RORA: variants seen among roughly 807,000 people sequenced by gnomAD.
RORA encodes RAR related orphan receptor A.
Under a neutral mutation model 69.5 loss-of-function variants are expected in RORA, and 7 were observed. The observed-to-expected ratio is 0.10, with a 90% CI of 0.06 to 0.19. RORA has a LOEUF of 0.19. RORA is among the 10% of genes least tolerant of loss of function. RORA has a pLI of 1.00. For missense variants in RORA, 457 were observed against 663.0 expected (o/e 0.69, Z 3.41); for synonymous variants, 261 against 240.8 (o/e 1.08, Z -0.78).
At chr15:60,699,556 C>T (rs2070953013) in intron 1 of RORA, among the ~76,000 whole-genome samples, 1 of 152,212 alleles carries the variant, frequency 6.6e-6, no homozygotes, top group Non-Finnish European at 1.5e-5. Context: ...AGTTAGCTCA[C>T]CTCTTCTTTA....
intron 1 of RORA, among the ~76,000 whole-genome samples, chr15:61,062,014 G>T (rs960489218): frequency 4.6e-5 from 7 of 152,158 alleles, no homozygotes; most frequent in African/African-American, 1.7e-4. Context: ...AGTGAGCTGG[G>T]ATTGTGCCAC....
At chr15:61,079,729 GC>G (rs2078510163) in intron 1 of RORA, among the ~76,000 whole-genome samples, 1 of 152,214 alleles carries the variant, frequency 6.6e-6, no homozygotes, top group Non-Finnish European at 1.5e-5. Flanking sequence ...TGGATACCCA[GC>G]AGAATAACCC....
At chr15:60,876,326 G>C (rs2073615529) in intron 1 of RORA, among the ~76,000 whole-genome samples, 1 of 120,648 alleles carries the variant, frequency 8.3e-6, no homozygotes, top group Admixed American at 9.1e-5. Context: ...GGGGGGGGGG[G>C]CGGCTAGGAG....
intron 1 of RORA, among the ~76,000 whole-genome samples, chr15:61,034,553 C>A (rs1896353941): frequency 6.6e-6 from 1 of 152,004 alleles, no homozygotes; most frequent in African/African-American, 2.4e-5. Flanking sequence ...TATTTATAGT[C>A]TGTGAAGAAA....
chr15:60,598,589 A>C (rs189614547), intron 2 of RORA: 11 of 152,344 alleles, frequency 7.2e-5, no homozygotes, highest in East Asian at 3.8e-4. Context: ...GTAAGAATAC[A>C]ATATATAATA....
chr15:61,186,661 A>T (rs2140910199), intron 1 of RORA, among the ~76,000 whole-genome samples: 1 of 148,772 alleles, frequency 6.7e-6, no homozygotes, highest in African/African-American at 2.6e-5. Context: ...AAAAAAAAAA[A>T]AAAAAAGGGA....
intron 2 of RORA, among the ~76,000 whole-genome samples, chr15:60,665,393 A>G (rs1320426377): frequency 6.6e-6 from 1 of 152,228 alleles, no homozygotes; most frequent in African/African-American, 2.4e-5. Flanking sequence ...TCTGATTTAC[A>G]TGGATAATGC....
chr15:60,608,921 G>C (rs1357467430), intron 2 of RORA, among the ~76,000 whole-genome samples: 1 of 152,076 alleles, frequency 6.6e-6, no homozygotes, highest in Non-Finnish European at 1.5e-5. Context: ...TACAGTCTCT[G>C]GTCCTTTCTG....
At chr15:61,164,511 G>C (rs916270915) in intron 1 of RORA, among the ~76,000 whole-genome samples, 1 of 152,154 alleles carries the variant, frequency 6.6e-6, no homozygotes, top group African/African-American at 2.4e-5. Flanking sequence ...GAAAAGGCTA[G>C]AACGGTTTGC....
intron 2 of RORA, among the ~76,000 whole-genome samples, chr15:60,605,221 T>C (rs1270909102): frequency 8.7e-6 from 1 of 114,302 alleles, no homozygotes; most frequent in Non-Finnish European, 1.8e-5. Context: ...TCTACTCCAT[T>C]TCAAAAAAAA....
At chr15:60,753,222 G>A (rs903151666) in intron 1 of RORA, among the ~76,000 whole-genome samples, 2 of 152,174 alleles carry the variant, frequency 1.3e-5, no homozygotes, top group African/African-American at 2.4e-5. Context: ...GTTCTGACAC[G>A]AACCTTCAAC....
At chr15:60,793,299 A>G (rs949844159) in intron 1 of RORA, among the ~76,000 whole-genome samples, 1 of 152,218 alleles carries the variant, frequency 6.6e-6, no homozygotes, top group African/African-American at 2.4e-5. Context: ...AGACAAACTC[A>G]TAAAATTCAT....
At chr15:60,535,423 C>T (rs192393979) in intron 2 of RORA, among the ~76,000 whole-genome samples, 1 of 152,198 alleles carries the variant, frequency 6.6e-6, no homozygotes. Context: ...AGGCTCTCCA[C>T]ACCTGCAGAG....
intron 1 of RORA, among the ~76,000 whole-genome samples, chr15:61,103,207 T>C (rs999849719): frequency 1.3e-5 from 2 of 152,140 alleles, no homozygotes; most frequent in Non-Finnish European, 2.9e-5. Flanking sequence ...CCTCCTCTCC[T>C]GGGCGGGGCT....
intron 1 of RORA, among the ~76,000 whole-genome samples, chr15:60,918,582 G>A (rs1891947539): frequency 6.6e-6 from 1 of 152,234 alleles, no homozygotes; most frequent in Non-Finnish European, 1.5e-5. Flanking sequence ...TTAATGACAT[G>A]ATTAGTTGTG....
intron 5 of RORA, among the ~76,000 whole-genome samples, chr15:60,509,296 T>A (rs141737719): frequency 6.6e-6 from 1 of 152,332 alleles, no homozygotes; most frequent in Non-Finnish European, 1.5e-5. Flanking sequence ...AGTTTTGGGT[T>A]TGGGAATTCT....
intron 1 of RORA, among the ~76,000 whole-genome samples, chr15:60,828,217 G>C (rs2072992058): frequency 6.6e-6 from 1 of 152,174 alleles, no homozygotes; most frequent in Admixed American, 6.5e-5. Flanking sequence ...GAAAGTCAGG[G>C]TCAGGAGAGG....
intron 1 of RORA, among the ~76,000 whole-genome samples, chr15:60,733,545 G>A (rs1339029656): frequency 6.6e-6 from 1 of 151,952 alleles, no homozygotes; most frequent in Non-Finnish European, 1.5e-5. Flanking sequence ...CAATATTGGG[G>A]GATTAAAGAG....
rs546702849 is a variant in RORA at position 60,537,144 on chromosome 15, G to A, written c.197-5293C>T. 1.3e-5 allele frequency among the ~76,000 whole-genome samples: 2 copies of A among 152,312 alleles called. No individual in the cohort carries two copies. Among genetic ancestry groups the A allele is most frequent in the South Asian group, 2.1e-4 (1 of 4,826 alleles). The stretch of plus-strand genomic sequence containing the variant: ...CTGCCTGAATGGCGGCCTGGCTTGC[G>A]TGTCAAGGTTAGCCGGGGGAGAGCT... On this transcript the variant is annotated intron_variant, in intron 2 of 10. Coordinates refer to ENST00000335670, the MANE Select transcript of RORA (RefSeq NM_134261.3). The surrounding 1 kb of genome is among the most constrained non-coding windows in gnomAD (Gnocchi z 4.9).
Sources: allele counts gnomAD v4.1 joint callset (sites outside exome capture counted in the v4.1 genomes callset), GRCh38; gene constraint gnomAD v4.1.1; non-coding constraint Gnocchi (gnomAD v3.1); transcripts MANE v1.5; gene names NCBI Gene and HGNC (gene_info 2026-07-23, HGNC 2026-07-21).